The following DHX58 variants were observed in gnomAD, a reference collection of about 807,000 sequenced individuals.
The protein encoded by DHX58 is DExH-box helicase 58.
Under a neutral mutation model 65.0 loss-of-function variants are expected in DHX58, and 51 were observed. The ratio of observed to expected loss-of-function variants is 0.78; its 90% confidence interval spans 0.63 to 0.99. DHX58 has a LOEUF of 0.99. Ranked by LOEUF, DHX58 falls within the 50% of genes least tolerant of loss-of-function variation. The pLI is 0.00. For missense variants in DHX58, 773 were observed against 891.8 expected (o/e 0.87, Z 1.70); for synonymous variants, 350 against 365.0 (o/e 0.96, Z 0.47).
chr17:42,102,416 G>A (rs1439263066), intron 12 of DHX58, 104 bp from the exon 13 acceptor site: 2 of 1,007,054 alleles, frequency 2.0e-6, no homozygotes, highest in African/African-American at 1.6e-5. Flanking sequence ...GGGCCTTCCT[G>A]CTGGTTAAGA....
At position 42,107,778 on chromosome 17, in the gene DHX58, G is replaced by A. The variant is rs1555663105; in HGVS notation, c.823C>T (p.Gln275Ter). ...TGAAGCGCATACACCCGTTGCTCCT[G>A]AAGCCCAGCCAAAGCCGCTGCGGGA... Reference protein sequence around the residue: ...LSEAAALAGLQEQRVYALHLR... With the variant: ...LSEAAALAGL Residue 275 changes from glutamine to a stop codon, truncating the protein, a stop_gained, in exon 8 of 14, where the codon CAG becomes TAG. Coordinates refer to ENST00000251642, the MANE Select transcript of DHX58 (RefSeq NM_024119.3). LOFTEE classifies it high-confidence loss of function. 1.3e-6 allele frequency: 2 copies of A among 1,583,938 alleles called. No homozygotes were observed. Among genetic ancestry groups the A allele is most frequent in the Non-Finnish European group, 1.7e-6 (2 of 1,164,294 alleles).
Position 42,101,759 on chromosome 17 carries a change from G to T in DHX58, c.*2C>A. On this transcript the variant is annotated 3_prime_UTR_variant, in exon 14 of 14. Coordinates refer to ENST00000251642, the MANE Select transcript of DHX58 (RefSeq NM_024119.3). ...AAACCGGGCACTGCAGCAATGAGGTGGTCAGTCCAGGGAGAGGTCCGACAA... is the reference window on the plus strand; with the variant it reads ...AAACCGGGCACTGCAGCAATGAGGTTGTCAGTCCAGGGAGAGGTCCGACAA... 6.2e-7 allele frequency: 1 copy of T among 1,613,798 alleles called. No individual in the cohort carries two copies. The highest frequency in any genetic ancestry group is 1.1e-5 in the South Asian group (1 of 91,074).
At chr17:42,107,892 A>G in intron 7 of DHX58, 90 bp downstream of exon 7, 2 of 1,580,490 alleles carry the variant, frequency 1.3e-6, no homozygotes, top group Middle Eastern at 1.7e-4. Context: ...TGGGGTGGAT[A>G]GGCCCCGCCC....
chr17:42,111,702 C>G (rs201117804), intron 3 of DHX58, 23 bp downstream of exon 3: 1 of 1,589,790 alleles, frequency 6.3e-7, no homozygotes, highest in East Asian at 2.3e-5. Flanking sequence ...GGTGGGAGAG[C>G]GGGGTAGGGA....
At position 42,102,297 on chromosome 17, in the gene DHX58, G is replaced by T; in HGVS notation, c.1770C>A (p.Val590=). The change falls in exon 13 of 14, where the codon GTC becomes GTA. Residue 590 remains valine, a synonymous_variant. Coordinates refer to ENST00000251642, the MANE Select transcript of DHX58 (RefSeq NM_024119.3). The part of the protein sequence containing the change: ...VNPNFSNYYN[V]SRDPVVINKV... ...TGTTGATGACCACAGGATCCCTGGA[G>T]ACATTATAGTAGTTCCTGGAGAGGA... 1 of 1,614,140 alleles carries T rather than the reference G, an allele frequency of 6.2e-7. No homozygotes were observed. Among genetic ancestry groups the T allele is most frequent in the Non-Finnish European group, 8.5e-7 (1 of 1,180,006 alleles).
At position 42,105,787 on chromosome 17, in the gene DHX58, G is replaced by T; in HGVS notation, c.1200C>A (p.Ala400=). ...TGTTCCCAGCCCCAATCAGTAGCTG[G>T]GCCCGGATGTCCACAGTCTGCAGGC... ...QQGLQTVDIR[A]QLLIGAGNSS... The change falls in exon 9 of 14, where the codon GCC becomes GCA. Residue 400 remains alanine (A), a synonymous_variant. Coordinates refer to ENST00000251642, the MANE Select transcript of DHX58 (RefSeq NM_024119.3). 6.2e-7 allele frequency: 1 copy of T among 1,611,532 alleles called. No homozygotes were observed. Among genetic ancestry groups the T allele is most frequent in the Non-Finnish European group, 8.5e-7 (1 of 1,178,612 alleles).
In DHX58 at chr17:42,102,269, C is replaced by T; in HGVS notation, c.1798G>A (p.Val600Ile). The change falls in exon 13 of 14, where the codon GTC (valine) becomes ATC (isoleucine). Residue 600 changes from valine to isoleucine, a missense_variant. Val to Ile is a conservative substitution (Grantham distance 29). Transcript: ENST00000251642. ...CCCCCAGGCTTCCAGTCCTTGAAGA[C>T]TTTGTTGATGACCACAGGATCCCTG... Reference protein sequence around the residue: ...VSRDPVVINKVFKDWKPGGVI... With the variant: ...VSRDPVVINKIFKDWKPGGVI... The T allele has an allele frequency of 6.2e-7, 1 of 1,614,164 alleles. No individual in the cohort carries two copies. Among genetic ancestry groups the T allele is most frequent in the Non-Finnish European group, 8.5e-7 (1 of 1,180,018 alleles).
At position 42,101,771 on chromosome 17, in the gene DHX58, G is replaced by A; in HGVS notation, c.2027C>T (p.Ser676Phe). 6.2e-7 allele frequency: 1 copy of A among 1,614,152 alleles called. No homozygotes were observed. The highest frequency in any genetic ancestry group is 1.1e-5 in the South Asian group (1 of 91,084). Residue 676 changes from serine to phenylalanine, a missense_variant, in exon 14 of 14, where the codon TCC becomes TTC. Coordinates refer to ENST00000251642, the MANE Select transcript of DHX58 (RefSeq NM_024119.3). ...QHCAENLSDL[S>F]LD ...GCAGCAATGAGGTGGTCAGTCCAGG[G>A]AGAGGTCCGACAAGTTCTCGGCACA...
chr17:42,107,505 G>A (rs542541575), intron 8 of DHX58, 99 bp downstream of exon 8: 6 of 1,343,906 alleles, frequency 4.5e-6, no homozygotes, highest in Admixed American at 3.0e-5. Flanking sequence ...GTATCCTCAC[G>A]GGCACCTTCC....
rs781954087 is a variant in DHX58, at chr17:42,111,883, G to A, written c.10C>T (p.Arg4Trp). Residue 4 changes from arginine (R) to tryptophan (W), a missense_variant, in exon 3 of 14, where the codon CGG becomes TGG. Coordinates refer to ENST00000251642, the MANE Select transcript of DHX58 (RefSeq NM_024119.3). MEL[R>W]SYQWEVIMPA... ...ATGATCACCTCCCATTGGTAGGACC[G>A]AAGCTCCATTCTGGGAATGGCAGGG... is the stretch of plus-strand genomic sequence containing the variant. 14 of 1,608,050 alleles carry A rather than the reference G, an allele frequency of 8.7e-6. No individual in the cohort carries two copies. The highest frequency in any genetic ancestry group is 6.7e-5 in the African/African-American group (5 of 74,698).
chr17:42,107,615 G>A lies in DHX58; in HGVS notation c.986C>T (p.Ala329Val), dbSNP rs1034245715. ...CTCCCGCCCCTCACCATCGAACAGG[G>A]CCAGCAGCCGGCGCTCGGCACACAG... ...QILCAERRLL[A>V]LFDDRKNELA... The change falls in exon 8 of 14, where the codon GCC becomes GTC. Residue 329 changes from alanine to valine, a missense_variant. Physicochemically the swap from Ala to Val is moderately conservative, Grantham distance 64. Transcript: ENST00000251642. 1.9e-6 allele frequency: 3 copies of A among 1,602,650 alleles called. No individual in the cohort carries two copies. Among genetic ancestry groups the A allele is most frequent in the East Asian group, 2.2e-5 (1 of 44,646 alleles).
chr17:42,104,275 A>G (rs1309248465), intron 11 of DHX58, among the ~76,000 whole-genome samples: 6 of 151,782 alleles, frequency 4.0e-5, no homozygotes, highest in Admixed American at 2.6e-4. Flanking sequence ...GGGAGGGGTA[A>G]GCTTTCCTGC....
Position 42,111,516 on chromosome 17 carries a change from C to G in DHX58, c.169-19G>C. ...GGTGCACCTGGGGGTGGAGAATGAGCTGGGAAAAGAGAGCTGAATCTGGGG... is the reference window on the plus strand; with the variant it reads ...GGTGCACCTGGGGGTGGAGAATGAGGTGGGAAAAGAGAGCTGAATCTGGGG... On this transcript the variant is annotated intron_variant, in intron 3 of 13. Coordinates refer to ENST00000251642, the MANE Select transcript of DHX58 (RefSeq NM_024119.3). 6.2e-7 allele frequency: 1 copy of G among 1,612,370 alleles called. No homozygotes were observed. The highest frequency in any genetic ancestry group is 8.5e-7 in the Non-Finnish European group (1 of 1,179,330).
intron 5 of DHX58, among the ~76,000 whole-genome samples, chr17:42,110,330 AAGG>A (rs1327247373): frequency 4.6e-5 from 7 of 152,176 alleles, no homozygotes; most frequent in African/African-American, 1.7e-4. Flanking sequence ...AATGAATGAC[AAGG>A]AGGAGGCAGC....
chr17:42,103,112 T>A (rs1306876188), intron 12 of DHX58: 1 of 162,800 alleles, frequency 6.1e-6, no homozygotes, highest in African/African-American at 2.4e-5. Context: ...TCTCATTCGC[T>A]CACATTCAAA....
At chr17:42,108,244 G>A (rs1392384322) in intron 6 of DHX58, 136 bp from the exon 7 acceptor site, 2 of 1,385,362 alleles carry the variant, frequency 1.4e-6, no homozygotes, top group African/African-American at 2.9e-5. Context: ...GCTCCAGAGG[G>A]AGGCCGGCTA....
chr17:42,110,701 G>A lies in DHX58; in HGVS notation c.561+22C>T, dbSNP rs373433749. 1.8e-5 allele frequency: 28 copies of A among 1,567,486 alleles called. No homozygotes were observed. In the African/African-American group the frequency reaches 3.4e-4, roughly 19 times the overall value. ...GTCCCTGGTGGGTCTGGCAGTGGGA[G>A]GCCCACAGGGGCCAGGCTGACCTGC... On this transcript the variant is annotated intron_variant, in intron 5 of 13. Transcript: ENST00000251642.
intron 5 of DHX58, among the ~76,000 whole-genome samples, chr17:42,109,847 A>G (rs1481178592): frequency 6.6e-6 from 1 of 150,446 alleles, no homozygotes; most frequent in Non-Finnish European, 1.5e-5. Context: ...GTGAGCCAAG[A>G]TCGTGCCACT....
intron 8 of DHX58, among the ~76,000 whole-genome samples, chr17:42,107,190 C>T (rs781920461): frequency 2.6e-5 from 4 of 151,970 alleles, no homozygotes; most frequent in Non-Finnish European, 5.9e-5. Context: ...AGCAAGACTC[C>T]GCCTCTTCAA....
Sources: gnomAD v4.1 joint callset for allele counts (sites outside exome capture counted in the v4.1 genomes callset) on GRCh38, gnomAD v4.1.1 for gene constraint, MANE v1.5 for transcripts, NCBI Gene and HGNC (gene_info 2026-07-23, HGNC 2026-07-21) for gene names.